NCAM2: variants seen among roughly 807,000 people sequenced by gnomAD.
The protein encoded by NCAM2 is neural cell adhesion molecule 2, also known as N-CAM-2.
NCAM2 carries 30 observed loss-of-function variants against 98.1 expected under a neutral mutation model. The observed-to-expected ratio is 0.31, with a 90% CI of 0.23 to 0.41. The LOEUF is 0.41. NCAM2 is among the 10% of genes least tolerant of loss of function. The probability of loss-of-function intolerance (pLI) is 1.00; values close to 1 mark genes in which losing one functional copy is unlikely to be tolerated. For missense variants in NCAM2, 867 were observed against 1,005.8 expected, an observed-to-expected ratio of 0.86 and a Z score of 1.87; for synonymous variants, 368 against 342.4, an observed-to-expected ratio of 1.07 and a Z score of -0.83.
At chr21:21,128,809 C>T (rs1052651846) in intron 1 of NCAM2, among the ~76,000 whole-genome samples, 3 of 152,118 alleles carry the variant, frequency 2.0e-5, no homozygotes, top group African/African-American at 7.2e-5. Context: ...TTAAATCTAC[C>T]TTGGAAATGG....
At chr21:21,008,711 G>A (rs1328657372) in intron 1 of NCAM2, among the ~76,000 whole-genome samples, 1 of 152,060 alleles carries the variant, frequency 6.6e-6, no homozygotes, top group African/African-American at 2.4e-5. Flanking sequence ...ATATCATTAT[G>A]TTCTTCAGAG....
intron 8 of NCAM2, among the ~76,000 whole-genome samples, chr21:21,357,638 C>T (rs1013293152): frequency 2.6e-5 from 4 of 151,850 alleles, no homozygotes; most frequent in Admixed American, 2.6e-4. Flanking sequence ...TTTATACATC[C>T]TTGTGAGTAG....
intron 1 of NCAM2, among the ~76,000 whole-genome samples, chr21:21,237,174 A>T: frequency 6.6e-6 from 1 of 152,120 alleles, no homozygotes; most frequent in East Asian, 1.9e-4. Context: ...CGGCATGACT[A>T]CCTAATTCCA....
intron 4 of NCAM2, 93 bp downstream of exon 4, chr21:21,286,505 A>T: frequency 7.5e-7 from 1 of 1,336,920 alleles, no homozygotes. Context: ...AGAAATTTGA[A>T]TTTTTGACCC....
At chr21:21,530,363 A>G (rs1989621860) in intron 16 of NCAM2, among the ~76,000 whole-genome samples, 1 of 145,928 alleles carries the variant, frequency 6.9e-6, no homozygotes. Context: ...ATATAATTTG[A>G]TTACATTAAA....
intron 1 of NCAM2, among the ~76,000 whole-genome samples, chr21:21,141,959 A>G (rs1376742969): frequency 6.6e-6 from 1 of 152,232 alleles, no homozygotes; most frequent in African/African-American, 2.4e-5. Flanking sequence ...TAATAGATAC[A>G]TGAAAGATGA....
chr21:21,510,720 C>A (rs1432986747), intron 16 of NCAM2, among the ~76,000 whole-genome samples: 1 of 146,272 alleles, frequency 6.8e-6, no homozygotes, highest in Non-Finnish European at 1.5e-5. Context: ...AAAATATATG[C>A]CAAAATATAT....
chr21:21,495,640 C>T (rs1987171527), intron 15 of NCAM2, among the ~76,000 whole-genome samples: 1 of 152,010 alleles, frequency 6.6e-6, no homozygotes, highest in Admixed American at 6.6e-5. Flanking sequence ...CAGCATCCTT[C>T]ACCACTAAAA....
intron 1 of NCAM2, among the ~76,000 whole-genome samples, chr21:21,215,849 AGAAACAATAT>A (rs1157556616): frequency 1.3e-5 from 2 of 152,192 alleles, no homozygotes; most frequent in Admixed American, 1.3e-4. Context: ...TGAACAGAAA[AGAAACAATAT>A]TGTTTAGCTC....
At chr21:21,534,122 T>A (rs1305942659) in intron 16 of NCAM2, among the ~76,000 whole-genome samples, 1 of 152,044 alleles carries the variant, frequency 6.6e-6, no homozygotes, top group Non-Finnish European at 1.5e-5. Context: ...TAAAATGTTT[T>A]CTTTTTTATT....
intron 1 of NCAM2, among the ~76,000 whole-genome samples, chr21:21,214,696 A>G (rs2069796238): frequency 8.6e-6 from 1 of 116,292 alleles, no homozygotes; most frequent in Non-Finnish European, 1.8e-5. Flanking sequence ...TTTCTCTGGT[A>G]TCAGGGGGAG....
intron 12 of NCAM2, among the ~76,000 whole-genome samples, chr21:21,452,506 A>G (rs1981285579): frequency 7.6e-6 from 1 of 132,050 alleles, no homozygotes; most frequent in African/African-American, 2.8e-5. Context: ...TATATATAAT[A>G]TATAATATAT....
At chr21:21,089,422 A>C (rs969684633) in intron 1 of NCAM2, among the ~76,000 whole-genome samples, 6 of 152,202 alleles carry the variant, frequency 3.9e-5, no homozygotes, top group African/African-American at 7.2e-5. Context: ...TATTAGTGGC[A>C]ATCAAACCCA....
Position 21,298,837 on chromosome 21 carries a change from C to T in NCAM2, c.619+6596C>T, listed in dbSNP as rs60160578. On this transcript the variant is annotated intron_variant, in intron 5 of 17. Coordinates refer to ENST00000400546, the MANE Select transcript of NCAM2 (RefSeq NM_004540.5). ...CATGTATTGATTTTTCAACATTGTA[C>T]TTTTAATCCCTGATTAAATATATGG... Among the ~76,000 whole-genome samples, 1,146 of 151,570 alleles carry T rather than the reference C, an allele frequency of 7.6e-3. 17 individuals are homozygous for T. The highest frequency in any genetic ancestry group is 0.026 in the African/African-American group (1,072 of 41,392).
At chr21:21,372,385 A>G (rs918619538) in intron 8 of NCAM2, among the ~76,000 whole-genome samples, 2 of 151,836 alleles carry the variant, frequency 1.3e-5, no homozygotes, top group African/African-American at 2.4e-5. Context: ...ATAATAATGT[A>G]CAGTCAGACA....
chr21:21,493,730 A>G (rs1476278976), intron 15 of NCAM2, among the ~76,000 whole-genome samples: 6 of 151,882 alleles, frequency 4.0e-5, no homozygotes, highest in African/African-American at 1.4e-4. Flanking sequence ...TTTCTCCACT[A>G]GTTCCTGGCA....
At chr21:21,364,418 C>T (rs1486772943) in intron 8 of NCAM2, among the ~76,000 whole-genome samples, 1 of 151,908 alleles carries the variant, frequency 6.6e-6, no homozygotes, top group Non-Finnish European at 1.5e-5. Flanking sequence ...ATGAATCATT[C>T]AGCATGTCTC....
chr21:21,476,580 G>C (rs1183485279), intron 14 of NCAM2, among the ~76,000 whole-genome samples: 1 of 151,914 alleles, frequency 6.6e-6, no homozygotes. Context: ...TATTTCATTA[G>C]TAATTGTAGT....
At position 21,508,847 on chromosome 21, in the gene NCAM2, T is replaced by TA; in HGVS notation, c.2078-2dup. 1 of 987,248 alleles carries TA rather than the reference T, an allele frequency of 1.0e-6. No individual in the cohort carries two copies. The highest frequency in any genetic ancestry group is 1.5e-6 in the Non-Finnish European group (1 of 683,428). The allele number at this position is 987,248 out of a possible 1,614,324, so 61.2% of individuals were successfully genotyped here. ...TTTTTTTTTTTTTTTTTTTACTTTT[T>TA]AAGACACGCTGTTTAATGGTCTTGG... On this transcript the variant is annotated splice_polypyrimidine_tract_variant and splice_region_variant and intron_variant, in intron 15 of 17. Transcript: ENST00000400546.
Sources: allele counts gnomAD v4.1 joint callset (sites outside exome capture counted in the v4.1 genomes callset), GRCh38; gene constraint gnomAD v4.1.1; transcripts MANE v1.5; gene names NCBI Gene and HGNC (gene_info 2026-07-23, HGNC 2026-07-21).